The following SARDH variants were observed in gnomAD, a reference collection of about 807,000 sequenced individuals.
The protein encoded by SARDH is sarcosine dehydrogenase, also known as sarcosine dehydrogenase, mitochondrial.
SARDH carries 95 observed loss-of-function variants against 109.1 expected under a neutral mutation model. That is an observed-to-expected ratio of 0.87 (90% CI 0.74 to 1.03). The LOEUF (loss-of-function observed/expected upper bound fraction) is 1.03. SARDH is among the 50% of genes least tolerant of loss of function. The probability of loss-of-function intolerance (pLI) is 0.00; values close to 1 mark genes in which losing one functional copy is unlikely to be tolerated. For synonymous variants in SARDH, 572 were observed against 534.8 expected, an observed-to-expected ratio of 1.07 and a Z score of -0.96; for missense variants, 1,267 against 1,287.8, an observed-to-expected ratio of 0.98 and a Z score of 0.25.
chr9:133,739,378 A>C (rs1347725767), upstream of SARDH, among the ~76,000 whole-genome samples: 1 of 152,214 alleles, frequency 6.6e-6, no homozygotes, highest in African/African-American at 2.4e-5. Context: ...CAGCTTGTCT[A>C]TCCTCTACAT....
rs1447907417 is a variant in SARDH at position 133,686,466 on chromosome 9, G to T, written c.2070-1180C>A. Among the ~76,000 whole-genome samples, 9 of 152,046 alleles carry T rather than the reference G, an allele frequency of 5.9e-5. No homozygotes were observed. The highest frequency in any genetic ancestry group is 2.2e-4 in the African/African-American group (9 of 41,378). On this transcript the variant is annotated intron_variant, in intron 16 of 20. Transcript: ENST00000439388. The surrounding 1 kb of genome is among the most constrained non-coding windows in gnomAD (Gnocchi z 4.0). ...CTCCCTAGGTCTTGGGCAGGTACTCGTTGTCCAAGATCCCACAGTCTCCTG... is the reference window on the plus strand; with the variant it reads ...CTCCCTAGGTCTTGGGCAGGTACTCTTTGTCCAAGATCCCACAGTCTCCTG...
rs541629904 is a variant in SARDH, at chr9:133,717,339, C to T, written c.1137G>A (p.Thr379=). ...PVLEKTGIKS[T]VCGPESFTPD... is the part of the protein sequence containing the mutation. ...GCTGTCACTCACCAGGGCCGCAGAC[C>T]GTGGACTTGATTCCTGTCTTCTCCA... The change falls in exon 8 of 21, where the codon ACG becomes ACA. Residue 379 remains threonine, a synonymous_variant. Transcript: ENST00000439388. 32 of 1,614,106 alleles carry T rather than the reference C, an allele frequency of 2.0e-5. No homozygotes were observed. In the Admixed American group the frequency reaches 3.2e-4, roughly 16 times the overall value.
chr9:133,720,130 TAAAAC>T (rs1240875836), intron 6 of SARDH, among the ~76,000 whole-genome samples: 1 of 121,444 alleles, frequency 8.2e-6, no homozygotes, highest in Non-Finnish European at 1.7e-5. Flanking sequence ...AATAAATAAA[TAAAAC>T]AAAACCACAG....
intron 18 of SARDH, 107 bp downstream of exon 18, chr9:133,671,428 T>G: frequency 1.5e-6 from 2 of 1,345,250 alleles, no homozygotes; most frequent in Non-Finnish European, 2.0e-6. Context: ...GGAAGCCGGG[T>G]GACAACACAG....
In SARDH at chr9:133,704,561, G is replaced by T. The variant is rs905868105; in HGVS notation, c.1554+387C>A. ...CTCCTACGGACATAAACCAACAGTC[G>T]GAGTGGCCAAAAATAGATGCACAGA... On this transcript the variant is annotated intron_variant, in intron 12 of 20. Transcript: ENST00000439388. The surrounding 1 kb of genome is among the most constrained non-coding windows in gnomAD (Gnocchi z 4.5). 2.0e-5 allele frequency among the ~76,000 whole-genome samples: 3 copies of T among 152,086 alleles called. No homozygotes were observed. Among genetic ancestry groups the T allele is most frequent in the Non-Finnish European group, 2.9e-5 (2 of 68,014 alleles).
Position 133,671,616 on chromosome 9 carries a change from G to A in SARDH, c.2245C>T (p.Arg749Trp), listed in dbSNP as rs762704404. Residue 749 changes from arginine (R) to tryptophan (W), a missense_variant, in exon 18 of 21, where the codon CGG (arginine) becomes TGG (tryptophan). By Grantham distance (101) the Arg-to-Trp change is moderately radical. Coordinates refer to ENST00000439388, the MANE Select transcript of SARDH (RefSeq NM_001134707.2). The stretch of plus-strand genomic sequence containing the variant: ...TTGGCACCCGCGGCCATCACAGCCC[G>A]GTACACAGGCACGCAGGACGCCTTT... Reference protein sequence around the residue: ...IPKASCVPVYRAVMAAGAKHG... With the variant: ...IPKASCVPVYWAVMAAGAKHG... The A allele has an allele frequency of 5.1e-5, 81 of 1,602,786 alleles. No homozygotes were observed. Among genetic ancestry groups the A allele is most frequent in the East Asian group, 1.4e-4 (6 of 44,400 alleles).
intron 8 of SARDH, among the ~76,000 whole-genome samples, chr9:133,715,982 G>A (rs1374507220): frequency 6.6e-6 from 1 of 152,240 alleles, no homozygotes; most frequent in Non-Finnish European, 1.5e-5. Context: ...CGGGGCCAGA[G>A]CTCCCCCTAC....
rs752492964 is a variant in SARDH, at chr9:133,718,716, G to A, written c.1020+222C>T. ...CGCAGACCTTCTCTGTGGATGTTTTGAGGCAAAGCCCTCCAGCTGCCCTGG... is the reference window on the plus strand; with the variant it reads ...CGCAGACCTTCTCTGTGGATGTTTTAAGGCAAAGCCCTCCAGCTGCCCTGG... On this transcript the variant is annotated intron_variant, in intron 7 of 20. Coordinates refer to ENST00000439388, the MANE Select transcript of SARDH (RefSeq NM_001134707.2). The surrounding 1 kb of genome is among the most constrained non-coding windows in gnomAD (Gnocchi z 4.2). 4 of 779,658 alleles carry A rather than the reference G, an allele frequency of 5.1e-6. No individual in the cohort carries two copies. Among genetic ancestry groups the A allele is most frequent in the Non-Finnish European group, 7.2e-6 (3 of 418,074 alleles). 48.3% of individuals were successfully genotyped at this position (779,658 alleles called of 1,614,324 possible). A position where few individuals can be genotyped will look rare whatever the true frequency, so the allele number is the denominator to read the frequency against.
chr9:133,671,670 C>T lies in SARDH; in HGVS notation c.2191G>A (p.Gly731Arg), dbSNP rs114232437. 8.2e-5 allele frequency: 131 copies of T among 1,587,884 alleles called. No homozygotes were observed. The African/African-American group carries it at 1.6e-3, about 19-fold the overall frequency. The change falls in exon 18 of 21, where the codon GGG (glycine) becomes AGG (arginine). Residue 731 changes from glycine to arginine, a missense_variant. Coordinates refer to ENST00000439388, the MANE Select transcript of SARDH (RefSeq NM_001134707.2). ...ATGTGCAGCTCCCAGCCCAGCTCCC[C>T]CACAAAGGACAGCCGCATGGCTCGG... ...LVRAMRLSFV[G>R]ELGWELHIPK...
At position 133,663,843 on chromosome 9, in the gene SARDH, G is replaced by T. The variant is rs1241164202; in HGVS notation, c.*46C>A. 6 of 1,609,620 alleles carry T rather than the reference G, an allele frequency of 3.7e-6. No individual in the cohort carries two copies. The highest frequency in any genetic ancestry group is 5.1e-6 in the Non-Finnish European group (6 of 1,177,592). ...TGGGACCCAGGGCCATTTGGGACCT[G>T]TGAGAATGGATGGACAGCATGGGAT... On this transcript the variant is annotated 3_prime_UTR_variant, in exon 21 of 21. Transcript: ENST00000439388.
chr9:133,670,627 C>T lies in SARDH; in HGVS notation c.2452G>A (p.Ala818Thr), dbSNP rs772462829. Residue 818 changes from alanine (A) to threonine (T), a missense_variant, in exon 19 of 21, where the codon GCC becomes ACC. By Grantham distance (58) the Ala-to-Thr change is moderately conservative (BLOSUM62 0). Coordinates refer to ENST00000439388, the MANE Select transcript of SARDH (RefSeq NM_001134707.2). ...ACCAGGCGCCGGCGGAGGCCTGCGG[C>T]CCGCTGCTGCTCCAGGGCCTCCCTC... ...LGREALEQQRAAGLRRRLVCF... is the reference protein window; with the variant it reads ...LGREALEQQRTAGLRRRLVCF... 1.3e-6 allele frequency: 2 copies of T among 1,580,960 alleles called. No individual in the cohort carries two copies. Among genetic ancestry groups the T allele is most frequent in the African/African-American group, 1.3e-5 (1 of 74,518 alleles).
At chr9:133,695,585 C>A (rs756523282) in intron 14 of SARDH, among the ~76,000 whole-genome samples, 1 of 152,182 alleles carries the variant, frequency 6.6e-6, no homozygotes, top group Non-Finnish European at 1.5e-5. Flanking sequence ...GGGTCCTCTG[C>A]AGAGTGTCAG....
At position 133,729,791 on chromosome 9, in the gene SARDH, C is replaced by A; in HGVS notation, c.889G>T (p.Val297Phe). ...PLVAMHHAYV[V>F]TERIEGIQNM... ...TGAATCCCCTCGATGCGCTCGGTGA[C>A]GACATAGGCATGGTGCATGGCCACC... Residue 297 changes from valine to phenylalanine, a missense_variant, in exon 6 of 21, where the codon GTC (valine) becomes TTC (phenylalanine). Transcript: ENST00000439388. 2 of 1,612,972 alleles carry A rather than the reference C, an allele frequency of 1.2e-6. No individual in the cohort carries two copies. The highest frequency in any genetic ancestry group is 1.7e-6 in the Non-Finnish European group (2 of 1,179,998).
chr9:133,734,416 T>TTCATTCAC (rs1564304247), intron 1 of SARDH, among the ~76,000 whole-genome samples: 1,574 of 50,628 alleles, frequency 0.031, 33 homozygotes, highest in Non-Finnish European at 0.064. Context: ...CACTCATTCA[T>TTCATTCAC]TCATTCATTC....
downstream of SARDH, among the ~76,000 whole-genome samples, chr9:133,660,913 T>G (rs984588856): frequency 1.3e-5 from 2 of 152,206 alleles, no homozygotes; most frequent in African/African-American, 2.4e-5. Context: ...TTAATTAAAA[T>G]GATACAAGGT....
intron 8 of SARDH, 33 bp downstream of exon 8, chr9:133,717,293 G>C (rs1309691819): frequency 6.2e-7 from 1 of 1,611,982 alleles, no homozygotes; most frequent in Admixed American, 1.7e-5. Flanking sequence ...AGGACCCATG[G>C]ACGCCCACCC....
chr9:133,681,425 G>A (rs867103020), intron 17 of SARDH, among the ~76,000 whole-genome samples: 1 of 152,222 alleles, frequency 6.6e-6, no homozygotes, highest in African/African-American at 2.4e-5. Context: ...TCGGTTCCAT[G>A]AGAACCCGTT....
intron 6 of SARDH, among the ~76,000 whole-genome samples, chr9:133,729,054 G>A (rs1287522327): frequency 6.6e-6 from 1 of 150,824 alleles, no homozygotes; most frequent in East Asian, 2.0e-4. Context: ...AGGGAAGGGG[G>A]ATGGGTGGAG....
chr9:133,715,468 C>T (rs550296865), intron 8 of SARDH, among the ~76,000 whole-genome samples: 3 of 152,310 alleles, frequency 2.0e-5, no homozygotes, highest in South Asian at 2.1e-4. Flanking sequence ...CTACCCTGCA[C>T]GCTGCCCCGG....
Sources: gnomAD v4.1 joint callset for allele counts (sites outside exome capture counted in the v4.1 genomes callset) on GRCh38, gnomAD v4.1.1 for gene constraint, Gnocchi (gnomAD v3.1) non-coding constraint, MANE v1.5 for transcripts, NCBI Gene and HGNC (gene_info 2026-07-23, HGNC 2026-07-21) for gene names.